Variants in PALS2 observed in about 807,000 individuals in gnomAD.
The protein encoded by PALS2 is protein associated with LIN7 2, MAGUK p55 family member.
PALS2 carries 27 observed loss-of-function variants against 61.6 expected under a neutral mutation model. That is an observed-to-expected ratio of 0.44 (90% confidence interval 0.32 to 0.60). The LOEUF is 0.60. Among genes scored for constraint, PALS2 ranks in the 20% least tolerant of loss-of-function variants. The pLI is 0.05. For missense variants in PALS2, 554 were observed against 639.4 expected, an observed-to-expected ratio of 0.87 and a Z score of 1.44; for synonymous variants, 236 against 218.6, an observed-to-expected ratio of 1.08 and a Z score of -0.70.
intron 1 of PALS2, among the ~76,000 whole-genome samples, chr7:24,620,552 C>A (rs1484995351): frequency 1.3e-5 from 2 of 151,914 alleles, no homozygotes; most frequent in Admixed American, 6.6e-5. Flanking sequence ...TTCACAATTT[C>A]TTTCACTTTT....
At chr7:24,617,116 G>A (rs76921264) in intron 1 of PALS2, among the ~76,000 whole-genome samples, 9,598 of 151,988 alleles carry the variant, frequency 0.063, 354 homozygotes, top group African/African-American at 0.093. Context: ...AGTTATTTCA[G>A]AAGACCTGTC....
intron 3 of PALS2, among the ~76,000 whole-genome samples, chr7:24,646,304 C>G (rs1373699889): frequency 6.6e-6 from 1 of 151,962 alleles, no homozygotes; most frequent in East Asian, 1.9e-4. Flanking sequence ...ATAGATGGCT[C>G]TTATTATTTT....
Position 24,589,506 on chromosome 7 carries a change from T to A in PALS2, c.-3+15913T>A, listed in dbSNP as rs572206535. The A allele has an allele frequency of 4.6e-5, 7 of 152,314 alleles. No individual in the cohort carries two copies. The East Asian group carries it at 1.4e-3, about 29-fold the overall frequency. 9.4% of individuals were successfully genotyped at this position (152,314 alleles called of 1,614,324 possible). A position where few individuals can be genotyped will look rare whatever the true frequency, so the allele number is the denominator to read the frequency against. On this transcript the variant is annotated intron_variant, in intron 1 of 11. Transcript: ENST00000222644. The stretch of plus-strand genomic sequence containing the variant: ...CATTAGTAAGTAAGCCTGTTTTAAT[T>A]CTGGAGATATTTTACCTAAGAAATA...
At chr7:24,612,687 GCT>G (rs1210292100) in intron 1 of PALS2, among the ~76,000 whole-genome samples, 1 of 151,594 alleles carries the variant, frequency 6.6e-6, no homozygotes, top group Non-Finnish European at 1.5e-5. Context: ...TTTCTGTGTT[GCT>G]CTTATTTATA....
In PALS2 at chr7:24,583,618, A is replaced by G. The variant is rs77488945; in HGVS notation, c.-3+10025A>G. Among the ~76,000 whole-genome samples, 153 of 150,270 alleles carry G rather than the reference A, an allele frequency of 1.0e-3. 2 individuals carry two copies. The East Asian group carries it at 0.028, about 28-fold the overall frequency. On this transcript the variant is annotated intron_variant, in intron 1 of 11. Coordinates refer to ENST00000222644, the MANE Select transcript of PALS2 (RefSeq NM_001303037.2). ...AGGCATTTTTGAGGATATCTTATTC[A>G]GATCCTTTCTTTTTTTTTTTTTCCC...
rs1290085424 is a variant in PALS2 at position 24,693,906 on chromosome 7, C to G, written c.*6292C>G. On this transcript the variant is annotated 3_prime_UTR_variant, in exon 12 of 12. Transcript: ENST00000222644. ...AATTTTTTATTCTTCCTTTTCCCCC[C>G]ACGCCAGTTCGTTTTGGTAAGTCTT... 4 of 151,978 alleles carry G rather than the reference C, an allele frequency of 2.6e-5. No individual in the cohort carries two copies. The highest frequency in any genetic ancestry group is 5.9e-5 in the Non-Finnish European group (4 of 67,992). 9.4% of individuals were successfully genotyped at this position (151,978 alleles called of 1,614,324 possible). A position where few individuals can be genotyped will look rare whatever the true frequency, so the allele number is the denominator to read the frequency against.
At chr7:24,633,598 G>C (rs1344203266) in intron 2 of PALS2, among the ~76,000 whole-genome samples, 1 of 151,552 alleles carries the variant, frequency 6.6e-6, no homozygotes, top group Non-Finnish European at 1.5e-5. Flanking sequence ...CTGTGGTTTG[G>C]TGTCCATCAT....
chr7:24,615,328 AAAG>A (rs1363446852), intron 1 of PALS2, among the ~76,000 whole-genome samples: 1 of 151,950 alleles, frequency 6.6e-6, no homozygotes, highest in Non-Finnish European at 1.5e-5. Flanking sequence ...AAAGTCAACA[AAAG>A]AAGTTGGTTT....
intron 1 of PALS2, among the ~76,000 whole-genome samples, chr7:24,581,041 G>A (rs1200656075): frequency 6.6e-6 from 1 of 152,118 alleles, no homozygotes; most frequent in Non-Finnish European, 1.5e-5. Context: ...GATTCTGAAG[G>A]CCAGACATTT....
rs544145349 is a variant in PALS2 at position 24,693,757 on chromosome 7, A to C, written c.*6143A>C. 6.6e-6 allele frequency: 1 copy of C among 152,008 alleles called. No homozygotes were observed. Among genetic ancestry groups the C allele is most frequent in the African/African-American group, 2.4e-5 (1 of 41,376 alleles). The allele number at this position is 152,008 out of a possible 1,614,324, so 9.4% of individuals were successfully genotyped here. A position where few individuals can be genotyped will look rare whatever the true frequency, so the allele number is the denominator to read the frequency against. ...ACACTGATTTTTTTTTAAAGAAGTG[A>C]TATGTTGGACTCTGTTGTAGAAGAA... On this transcript the variant is annotated 3_prime_UTR_variant, in exon 12 of 12. Transcript: ENST00000222644.
chr7:24,632,846 T>C (rs1235225563), intron 2 of PALS2, among the ~76,000 whole-genome samples: 1 of 152,164 alleles, frequency 6.6e-6, no homozygotes, highest in Non-Finnish European at 1.5e-5. Flanking sequence ...TTTCTCTGCT[T>C]TAACTAAACA....
At chr7:24,673,095 G>A (rs1787384301) in intron 9 of PALS2, among the ~76,000 whole-genome samples, 1 of 151,966 alleles carries the variant, frequency 6.6e-6, no homozygotes, top group African/African-American at 2.4e-5. Context: ...CTGCTTTGTT[G>A]GCTTTTTACC....
chr7:24,586,199 C>T (rs1783059459), intron 1 of PALS2, among the ~76,000 whole-genome samples: 1 of 151,690 alleles, frequency 6.6e-6, no homozygotes, highest in South Asian at 2.1e-4. Context: ...CAAAGTTTAG[C>T]CATATTTAAT....
intron 9 of PALS2, among the ~76,000 whole-genome samples, chr7:24,670,496 T>A (rs183010962): frequency 6.6e-6 from 1 of 152,298 alleles, no homozygotes; most frequent in African/African-American, 2.4e-5. Flanking sequence ...CCATTCTTTC[T>A]CTTTCTTGGT....
intron 2 of PALS2, among the ~76,000 whole-genome samples, chr7:24,625,167 A>G (rs974533561): frequency 1.3e-5 from 2 of 152,146 alleles, no homozygotes; most frequent in Non-Finnish European, 2.9e-5. Context: ...TGAAATTAGT[A>G]GGAACTATTT....
chr7:24,688,815 T>TTTTG lies in PALS2; in HGVS notation c.*1213_*1216dup, dbSNP rs1016900118. Reference sequence around the variant, plus strand: ...ATCTGTTAAAAAATGTACTTTGTTTTTTTGTTTGTTTGTTTTGAGATGGAG... The same window carrying TTTTG: ...ATCTGTTAAAAAATGTACTTTGTTTTTTTGTTTGTTTGTTTGTTTTGAGATGGAG... On this transcript the variant is annotated 3_prime_UTR_variant, in exon 12 of 12. Transcript: ENST00000222644. 1 of 151,866 alleles carries TTTTG rather than the reference T, an allele frequency of 6.6e-6. No homozygotes were observed. The highest frequency in any genetic ancestry group is 1.9e-4 in the East Asian group (1 of 5,182). The allele number at this position is 151,866 out of a possible 1,614,324, so 9.4% of individuals were successfully genotyped here.
chr7:24,640,797 A>G (rs1002873412), intron 2 of PALS2, among the ~76,000 whole-genome samples: 1 of 152,036 alleles, frequency 6.6e-6, no homozygotes, highest in African/African-American at 2.4e-5. Flanking sequence ...TCACGAGGTC[A>G]GGAGATCAAG....
Position 24,666,051 on chromosome 7 carries a change from A to T in PALS2, c.914A>T (p.Lys305Ile). 1.9e-6 allele frequency: 3 copies of T among 1,612,042 alleles called. No individual in the cohort carries two copies. The highest frequency in any genetic ancestry group is 2.5e-6 in the Non-Finnish European group (3 of 1,178,660). ...GPFCGTISSK[K>I]KKKMMYLTTR... ...TTTTGTGGAACTATAAGTAGCAAAA[A>T]AAAGAAAAAGATGATGTATCTCACA... The change falls in exon 8 of 12, where the codon AAA (lysine) becomes ATA (isoleucine). Residue 305 changes from lysine to isoleucine, a missense_variant. Transcript: ENST00000222644.
At chr7:24,649,878 C>G (rs943059987) in intron 4 of PALS2, 114 bp downstream of exon 4, 2 of 1,013,012 alleles carry the variant, frequency 2.0e-6, no homozygotes, top group East Asian at 5.7e-5. Flanking sequence ...AAACTGTATT[C>G]TTGTTTGGCC....
Sources: allele counts gnomAD v4.1 joint callset (sites outside exome capture counted in the v4.1 genomes callset), GRCh38; gene constraint gnomAD v4.1.1; transcripts MANE v1.5; gene names NCBI Gene and HGNC (gene_info 2026-07-23, HGNC 2026-07-21).